Variants in SZT2 observed in about 807,000 individuals in gnomAD.
The protein encoded by SZT2 is KICSTOR complex protein SZT2.
A neutral mutation model predicts 404.2 loss-of-function variants in SZT2; 216 were observed. That is an observed-to-expected ratio of 0.53 (90% CI 0.48 to 0.60). The LOEUF is 0.60. Among genes scored for constraint, SZT2 ranks in the 20% least tolerant of loss-of-function variants. SZT2 has a pLI of 0.00. For synonymous variants in SZT2, 1,693 were observed against 1,749.9 expected (o/e 0.97, Z 0.81); for missense variants, 3,857 against 4,459.2 (o/e 0.86, Z 3.85).
At position 43,415,124 on chromosome 1, in the gene SZT2, G is replaced by A. The variant is rs1451870576; in HGVS notation, c.541G>A (p.Val181Met). ...CCTCTTGGACCCTTCCCAGCGGGAG[G>A]TGTTCCTGCAGCAGATATATGAGCA... is the stretch of plus-strand genomic sequence containing the variant. ...GCLLDPSQRE[V>M]FLQQIYEQLC... The change falls in exon 5 of 72, where the codon GTG becomes ATG. Residue 181 changes from valine (V) to methionine (M), a missense_variant. Val to Met is a conservative substitution (Grantham distance 21, BLOSUM62 1). Around this residue, in one of 7 missense-constraint regions of SZT2, gnomAD observed 536 missense variants for 637.4 expected, o/e 0.84. Coordinates refer to ENST00000634258, the MANE Select transcript of SZT2 (RefSeq NM_001365999.1). The A allele has an allele frequency of 6.3e-7, 1 of 1,598,130 alleles. No homozygotes were observed. The highest frequency in any genetic ancestry group is 8.5e-7 in the Non-Finnish European group (1 of 1,179,606).
rs745527328 is a variant in SZT2 at position 43,451,920 on chromosome 1, G to C, written c.*1440G>C. On this transcript the variant is annotated 3_prime_UTR_variant, in exon 72 of 72. Coordinates refer to ENST00000634258, the MANE Select transcript of SZT2 (RefSeq NM_001365999.1). ...ATCAAAAGGGACAGAAGGAGAGACA[G>C]GGCTGGGGTCGTACCCTGCTGGGGC... The C allele has an allele frequency of 6.2e-7, 1 of 1,613,096 alleles. No individual in the cohort carries two copies. The highest frequency in any genetic ancestry group is 8.5e-7 in the Non-Finnish European group (1 of 1,179,164).
chr1:43,426,737 G>A lies in SZT2; in HGVS notation c.3237G>A (p.Gly1079=). ...HVPGAEGPLL[G]VHGIPKEQAV... ...TAGGTGCCGAGGGGCCACTGCTGGG[G>A]GTTCATGGGATCCCGAAGGAGCAAG... Residue 1079 remains glycine (G), a synonymous_variant, in exon 23 of 72, where the codon GGG becomes GGA. Coordinates refer to ENST00000634258, the MANE Select transcript of SZT2 (RefSeq NM_001365999.1). This position sits in a 1 kb window ranked among gnomAD's most constrained non-coding sequence, Gnocchi z 4.9. 1.2e-6 allele frequency: 2 copies of A among 1,612,982 alleles called. No homozygotes were observed. Among genetic ancestry groups the A allele is most frequent in the Non-Finnish European group, 1.7e-6 (2 of 1,179,640 alleles).
chr1:43,437,270 T>C lies in SZT2; in HGVS notation c.6134T>C (p.Val2045Ala). Residue 2045 changes from valine (V) to alanine (A), a missense_variant, in exon 43 of 72, where the codon GTG becomes GCG. Around this residue, in one of 7 missense-constraint regions of SZT2, gnomAD observed 261 missense variants for 372.9 expected, o/e 0.70. Transcript: ENST00000634258. The surrounding 1 kb of genome is among the most constrained non-coding windows in gnomAD (Gnocchi z 5.3). Reference protein sequence around the residue: ...HFSCDVVWGTVIRVHSRLKMG... With the variant: ...HFSCDVVWGTAIRVHSRLKMG... ...TCCTGTGACGTTGTGTGGGGAACTG[T>C]GATCCGAGTCCATTCACGCCTCAAA... The C allele has an allele frequency of 6.2e-7, 1 of 1,614,084 alleles. No individual in the cohort carries two copies. Among genetic ancestry groups the C allele is most frequent in the Non-Finnish European group, 8.5e-7 (1 of 1,180,000 alleles).
intron 1 of SZT2, among the ~76,000 whole-genome samples, chr1:43,394,844 A>G (rs2153927526): frequency 6.6e-6 from 1 of 152,012 alleles, no homozygotes; most frequent in South Asian, 2.1e-4. Flanking sequence ...GTGCCATTGC[A>G]CTGTAGCCTG....
rs1653415372 is a variant in SZT2 at position 43,428,191 on chromosome 1, A to C, written c.3920-49A>C. The C allele has an allele frequency of 3.1e-6, 5 of 1,612,902 alleles. No homozygotes were observed. In the East Asian group the frequency reaches 1.1e-4, roughly 36 times the overall value. On this transcript the variant is annotated intron_variant, in intron 27 of 71. Coordinates refer to ENST00000634258, the MANE Select transcript of SZT2 (RefSeq NM_001365999.1). ...ACAGGGATTACAGGGTGGGGACTGG[A>C]GAGGCCATTCCAGAGCTCAAGCCTC...
At chr1:43,407,362 A>C (rs535230828) in intron 4 of SZT2, among the ~76,000 whole-genome samples, 196 of 152,170 alleles carry the variant, frequency 1.3e-3, no homozygotes, top group South Asian at 7.3e-3. Flanking sequence ...ACAACAACAA[A>C]AAAATTAGCT....
Position 43,421,179 on chromosome 1 carries a change from A to G in SZT2, c.1502A>G (p.Asn501Ser). ...RRFWNTLQSI[N>S]QTDQMLAHLQ... ...GCCTGGCCCTTATTCTACAGCATCAACCAGACAGACCAGATGCTTGCCCAC... is the reference window on the plus strand; with the variant it reads ...GCCTGGCCCTTATTCTACAGCATCAGCCAGACAGACCAGATGCTTGCCCAC... Residue 501 changes from asparagine (N) to serine (S), a missense_variant, in exon 11 of 72, where the codon AAC becomes AGC. Physicochemically the swap from Asn to Ser is conservative, Grantham distance 46 (BLOSUM62 1). Coordinates refer to ENST00000634258, the MANE Select transcript of SZT2 (RefSeq NM_001365999.1). The G allele has an allele frequency of 6.3e-7, 1 of 1,598,316 alleles. No homozygotes were observed. Among genetic ancestry groups the G allele is most frequent in the Non-Finnish European group, 8.5e-7 (1 of 1,179,740 alleles).
chr1:43,399,980 C>A (rs1366399694), intron 1 of SZT2, among the ~76,000 whole-genome samples: 1 of 151,900 alleles, frequency 6.6e-6, no homozygotes, highest in African/African-American at 2.4e-5. Flanking sequence ...GCTGTTTTGC[C>A]CAGGCTGGAG....
In SZT2 at chr1:43,420,542, T is replaced by A. The variant is rs1049953805; in HGVS notation, c.1262-207T>A. ...TGAACCAGCTGAGGGTGGTATAGGG[T>A]CCTGAACTTGGCTTAGTTTTCAGAT... On this transcript the variant is annotated intron_variant, in intron 9 of 71. Transcript: ENST00000634258. This position sits in a 1 kb window ranked among gnomAD's most constrained non-coding sequence, Gnocchi z 5.1. 2.0e-5 allele frequency among the ~76,000 whole-genome samples: 3 copies of A among 152,202 alleles called. No individual in the cohort carries two copies. Among genetic ancestry groups the A allele is most frequent in the African/African-American group, 7.2e-5 (3 of 41,444 alleles).
At position 43,426,335 on chromosome 1, in the gene SZT2, C is replaced by T; in HGVS notation, c.3044-33C>T. 5 of 1,520,060 alleles carry T rather than the reference C, an allele frequency of 3.3e-6. No individual in the cohort carries two copies. Among genetic ancestry groups the T allele is most frequent in the Non-Finnish European group, 4.4e-6 (5 of 1,134,098 alleles). 94.2% of individuals were successfully genotyped at this position (1,520,060 alleles called of 1,614,324 possible). A position where few individuals can be genotyped will look rare whatever the true frequency, so the allele number is the denominator to read the frequency against. The stretch of plus-strand genomic sequence containing the variant: ...GCCGGGGGCACCGGGCAGCAGGAGG[C>T]TCTTGGTGCTGAGCAGAGTGTGTGT... On this transcript the variant is annotated intron_variant, in intron 21 of 71. Transcript: ENST00000634258. The surrounding 1 kb of genome is among the most constrained non-coding windows in gnomAD (Gnocchi z 4.9).
Position 43,425,842 on chromosome 1 carries a change from C to G in SZT2, c.2822C>G (p.Pro941Arg). Residue 941 changes from proline (P) to arginine (R), a missense_variant, in exon 20 of 72, where the codon CCA (proline) becomes CGA (arginine). This residue lies in a region of SZT2 where 1,725 missense variants were observed against 1,881.0 expected (regional missense o/e 0.92). Transcript: ENST00000634258. The surrounding 1 kb of genome is among the most constrained non-coding windows in gnomAD (Gnocchi z 4.3). Reference protein sequence around the residue: ...TYSEIPQALHPRDAACIGSML... With the variant: ...TYSEIPQALHRRDAACIGSML... Reference sequence around the variant, plus strand: ...CTGATGTTCTTCCTGTAGCTCCACCCACGGGATGCTGCCTGCATAGGCTCC... The same window carrying G: ...CTGATGTTCTTCCTGTAGCTCCACCGACGGGATGCTGCCTGCATAGGCTCC... 1.2e-6 allele frequency: 2 copies of G among 1,613,942 alleles called. No individual in the cohort carries two copies. Among genetic ancestry groups the G allele is most frequent in the Non-Finnish European group, 1.7e-6 (2 of 1,179,928 alleles).
chr1:43,420,675 G>T lies in SZT2; in HGVS notation c.1262-74G>T. 1 of 1,416,022 alleles carries T rather than the reference G, an allele frequency of 7.1e-7. No homozygotes were observed. The highest frequency in any genetic ancestry group is 9.7e-7 in the Non-Finnish European group (1 of 1,032,378). 87.7% of individuals were successfully genotyped at this position (1,416,022 alleles called of 1,614,324 possible). On this transcript the variant is annotated intron_variant, in intron 9 of 71. Coordinates refer to ENST00000634258, the MANE Select transcript of SZT2 (RefSeq NM_001365999.1). The surrounding 1 kb of genome is among the most constrained non-coding windows in gnomAD (Gnocchi z 5.1). ...ACTGGGTTCCATGAGGTAGGTGGGG[G>T]TTTCAGATAGAACTCGATCCCAGGC... is the stretch of plus-strand genomic sequence containing the variant.
chr1:43,452,335 A>C lies in SZT2; in HGVS notation c.*1855A>C, dbSNP rs780737189. ...CAGGTGGATCCTGTGGGGAAGATGG[A>C]CTGGAGGCCTTGCCTCCCTTGGCTC... On this transcript the variant is annotated 3_prime_UTR_variant, in exon 72 of 72. Coordinates refer to ENST00000634258, the MANE Select transcript of SZT2 (RefSeq NM_001365999.1). The C allele has an allele frequency of 1.3e-6, 2 of 1,598,952 alleles. No individual in the cohort carries two copies. The highest frequency in any genetic ancestry group is 3.3e-5 in the Admixed American group (2 of 59,780).
At chr1:43,444,248 C>T (rs543889273) in intron 62 of SZT2, among the ~76,000 whole-genome samples, 1 of 152,162 alleles carries the variant, frequency 6.6e-6, no homozygotes, top group South Asian at 2.1e-4. Context: ...AGGTGCACGC[C>T]ACCCTGCTTG....
chr1:43,432,501 A>G lies in SZT2; in HGVS notation c.5443-16A>G. ...GTGTGGGGCCTATACCTCAGTCCTG[A>G]CTTCCTATTCCTCAGACCCTGACAG... On this transcript the variant is annotated splice_polypyrimidine_tract_variant and intron_variant, in intron 37 of 71. Coordinates refer to ENST00000634258, the MANE Select transcript of SZT2 (RefSeq NM_001365999.1). The G allele has an allele frequency of 1.9e-6, 3 of 1,594,088 alleles. No homozygotes were observed. The highest frequency in any genetic ancestry group is 2.6e-6 in the Non-Finnish European group (3 of 1,171,388).
Position 43,421,273 on chromosome 1 carries a change from C to G in SZT2, c.1596C>G (p.Leu532=). Residue 532 remains leucine (L), a synonymous_variant, in exon 11 of 72, where the codon CTC becomes CTG. Coordinates refer to ENST00000634258, the MANE Select transcript of SZT2 (RefSeq NM_001365999.1). ...ACAGCACCAAGAGCGGAGTGCCACT[C>G]TTCTACATCCCTCCAGGCTCCACCA... is the stretch of plus-strand genomic sequence containing the variant. ...LPDSTKSGVP[L]FYIPPGSTTP... 2.5e-6 allele frequency: 4 copies of G among 1,598,612 alleles called. No homozygotes were observed. The highest frequency in any genetic ancestry group is 1.3e-5 in the African/African-American group (1 of 75,066).
At chr1:43,415,868 C>A in intron 5 of SZT2, 92 bp from the exon 6 acceptor site, 1 of 1,441,654 alleles carries the variant, frequency 6.9e-7, no homozygotes, top group Non-Finnish European at 9.2e-7. Context: ...CCTGTCTGGC[C>A]TGAGAAGTGC....
Position 43,437,670 on chromosome 1 carries a change from C to T in SZT2, c.6366C>T (p.Ser2122=), listed in dbSNP as rs1318380002. Reference sequence around the variant, plus strand: ...CCCCTTCCCTCGCTCTGTCCCGAAGCCAAGAGCCCATCTACTCTGAGGAAG... The same window carrying T: ...CCCCTTCCCTCGCTCTGTCCCGAAGTCAAGAGCCCATCTACTCTGAGGAAG... The part of the protein sequence containing the change: ...ALPPSLALSR[S]QEPIYSEEAS... The change falls in exon 45 of 72, where the codon AGC becomes AGT. Residue 2122 remains serine, a synonymous_variant. Coordinates refer to ENST00000634258, the MANE Select transcript of SZT2 (RefSeq NM_001365999.1). This position sits in a 1 kb window ranked among gnomAD's most constrained non-coding sequence, Gnocchi z 5.3. 1 of 1,614,002 alleles carries T rather than the reference C, an allele frequency of 6.2e-7. No homozygotes were observed. Among genetic ancestry groups the T allele is most frequent in the African/African-American group, 1.3e-5 (1 of 74,902 alleles).
At chr1:43,419,145 G>C (rs1420456568) in intron 7 of SZT2, among the ~76,000 whole-genome samples, 1 of 152,224 alleles carries the variant, frequency 6.6e-6, no homozygotes, top group Non-Finnish European at 1.5e-5. Context: ...CTGTTGAAGC[G>C]TGAAAGCAGC....
Sources: allele counts gnomAD v4.1 joint callset (sites outside exome capture counted in the v4.1 genomes callset), GRCh38; gene constraint gnomAD v4.1.1; regional missense constraint gnomAD v4.1.1; non-coding constraint Gnocchi (gnomAD v3.1); transcripts MANE v1.5; gene names NCBI Gene and HGNC (gene_info 2026-07-23, HGNC 2026-07-21).